Variants in CADPS2 observed in about 807,000 individuals in gnomAD.
CADPS2 encodes the protein calcium dependent secretion activator 2, also known as calcium-dependent secretion activator 2.
Under a neutral mutation model 172.5 loss-of-function variants are expected in CADPS2, and 93 were observed. The observed-to-expected ratio is 0.54, with a 90% confidence interval of 0.46 to 0.64. The LOEUF is 0.64. Ranked by LOEUF, CADPS2 falls within the 30% of genes least tolerant of loss-of-function variation. The pLI, the probability that CADPS2 is intolerant of heterozygous loss-of-function variation, is 0.00. For missense variants in CADPS2, 1,420 were observed against 1,565.9 expected, an observed-to-expected ratio of 0.91 and a Z score of 1.57; for synonymous variants, 546 against 555.2, an observed-to-expected ratio of 0.98 and a Z score of 0.23.
intron 17 of CADPS2, chr7:122,425,988 A>AT (rs1162286244): frequency 6.6e-6 from 1 of 152,206 alleles, no homozygotes; most frequent in Admixed American, 6.5e-5. Context: ...AACAATGGGG[A>AT]TACAGGCAAG....
intron 7 of CADPS2, among the ~76,000 whole-genome samples, chr7:122,569,546 G>T (rs1411985343): frequency 4.5e-5 from 6 of 133,316 alleles, no homozygotes; most frequent in East Asian, 2.3e-4. Flanking sequence ...AAGTTCATAT[G>T]GAACCAAAAA....
At chr7:122,694,283 TGAA>T (rs534253936) in intron 2 of CADPS2, among the ~76,000 whole-genome samples, 4 of 152,084 alleles carry the variant, frequency 2.6e-5, no homozygotes, top group Non-Finnish European at 5.9e-5. Context: ...AGAATAAGTC[TGAA>T]GAAGTAGTGG....
At chr7:122,625,545 G>A (rs1375711153) in intron 4 of CADPS2, among the ~76,000 whole-genome samples, 2 of 152,122 alleles carry the variant, frequency 1.3e-5, no homozygotes, top group African/African-American at 4.8e-5. Context: ...GACCAAAGGC[G>A]AAGGTTTCCT....
At chr7:122,575,202 T>C (rs932859347) in intron 7 of CADPS2, among the ~76,000 whole-genome samples, 15 of 151,456 alleles carry the variant, frequency 9.9e-5, no homozygotes, top group Non-Finnish European at 2.9e-5. Flanking sequence ...GGTGGGAGCA[T>C]CTAAAATAAA....
At chr7:122,816,350 G>C (rs68012966) in intron 1 of CADPS2, among the ~76,000 whole-genome samples, 1 of 151,858 alleles carries the variant, frequency 6.6e-6, no homozygotes, top group Non-Finnish European at 1.5e-5. Context: ...GTGCCATCTG[G>C]GTTGTTGCAA....
chr7:122,337,380 C>T (rs575263379), intron 28 of CADPS2, among the ~76,000 whole-genome samples: 4 of 152,270 alleles, frequency 2.6e-5, no homozygotes, highest in African/African-American at 7.2e-5. Flanking sequence ...TTGTGTTCCA[C>T]GATCACATTT....
At chr7:122,671,834 G>A (rs2081896468) in intron 2 of CADPS2, among the ~76,000 whole-genome samples, 2 of 152,168 alleles carry the variant, frequency 1.3e-5, no homozygotes, top group Admixed American at 6.5e-5. Context: ...GAAGGCAGAG[G>A]TGTGAGCAAA....
In CADPS2 at chr7:122,791,090, C is replaced by G. The variant is rs115564296; in HGVS notation, c.340-54022G>C. Among the ~76,000 whole-genome samples the G allele has an allele frequency of 5.9e-3, 901 of 152,222 alleles. 8 individuals carry two copies. The highest frequency in any genetic ancestry group is 0.021 in the African/African-American group (864 of 41,530). On this transcript the variant is annotated intron_variant, in intron 1 of 29. Transcript: ENST00000449022. ...TCTTAAACGTTGTGGGCCATGCTGACTACCAGAACAAAATAAAGTTGTATA... is the reference window on the plus strand; with the variant it reads ...TCTTAAACGTTGTGGGCCATGCTGAGTACCAGAACAAAATAAAGTTGTATA...
At position 122,404,998 on chromosome 7, in the gene CADPS2, G is replaced by A. The variant is rs184512433; in HGVS notation, c.2746+2542C>T. On this transcript the variant is annotated intron_variant, in intron 20 of 29. Transcript: ENST00000449022. ...AAAAATTAGCCAGGTGTGTGGTGGC[G>A]GGCGCCTGTGGAGGCAGAGCTTGCA... 2.1e-3 allele frequency among the ~76,000 whole-genome samples: 321 copies of A among 151,840 alleles called. 6 individuals carry two copies. The highest frequency in any genetic ancestry group is 0.016 in the Admixed American group (238 of 15,226).
At chr7:122,702,034 A>G in intron 2 of CADPS2, 1 of 1,613,656 alleles carries the variant, frequency 6.2e-7, no homozygotes, top group Non-Finnish European at 8.5e-7. Context: ...CTCGCAGTTG[A>G]AGCTGGTCAA....
chr7:122,787,944 C>T (rs1794422249), intron 1 of CADPS2, among the ~76,000 whole-genome samples: 1 of 152,068 alleles, frequency 6.6e-6, no homozygotes, highest in East Asian at 1.9e-4. Context: ...TTTACATGGT[C>T]CAACTAGAGA....
intron 27 of CADPS2, among the ~76,000 whole-genome samples, chr7:122,350,211 A>G (rs1404190054): frequency 2.6e-5 from 4 of 152,218 alleles, no homozygotes; most frequent in Non-Finnish European, 5.9e-5. Context: ...CATGTAAGAT[A>G]TAAGACAATA....
At chr7:122,652,649 A>C (rs2079289042) in intron 3 of CADPS2, among the ~76,000 whole-genome samples, 1 of 152,096 alleles carries the variant, frequency 6.6e-6, no homozygotes, top group African/African-American at 2.4e-5. Context: ...CTGTTATGCC[A>C]CTCATTTTAG....
At chr7:122,512,827 A>G (rs780635127) in intron 9 of CADPS2, among the ~76,000 whole-genome samples, 19 of 152,230 alleles carry the variant, frequency 1.2e-4, no homozygotes, top group Middle Eastern at 3.4e-3. Flanking sequence ...ATATCTTTTC[A>G]GAGGGTCTAC....
intron 8 of CADPS2, among the ~76,000 whole-genome samples, chr7:122,531,268 A>G (rs528997567): frequency 6.6e-6 from 1 of 152,342 alleles, no homozygotes; most frequent in South Asian, 2.1e-4. Context: ...TGGAAGAGAA[A>G]GAAGAAGAGG....
intron 1 of CADPS2, among the ~76,000 whole-genome samples, chr7:122,824,134 T>C (rs139042832): frequency 3.8e-4 from 58 of 152,304 alleles, no homozygotes; most frequent in African/African-American, 1.4e-3. Flanking sequence ...GAAATAAAGT[T>C]GAAAAAAATA....
At chr7:122,388,157 C>T (rs1289607790) in intron 23 of CADPS2, among the ~76,000 whole-genome samples, 3 of 151,942 alleles carry the variant, frequency 2.0e-5, no homozygotes, top group Admixed American at 2.0e-4. Context: ...AGTTAGTAAT[C>T]CCAGAACAAC....
At position 122,886,006 on chromosome 7, in the gene CADPS2, T is replaced by G. The variant is rs1251413614; in HGVS notation, c.332A>C (p.Gln111Pro). ...CCCGGTCCCGCAACTCACCTTCTGC[T>G]GCCTCCGGGCCATGTCGGTGGGCTG... ...AKQPTDMARR[Q>P]QKLNKQQLQL... The change falls in exon 1 of 30, where the codon CAG becomes CCG. Residue 111 changes from glutamine (Q) to proline (P), a missense_variant. Transcript: ENST00000449022. 8 of 1,606,100 alleles carry G rather than the reference T, an allele frequency of 5.0e-6. No homozygotes were observed. The highest frequency in any genetic ancestry group is 6.8e-6 in the Non-Finnish European group (8 of 1,176,848).
At chr7:122,621,407 T>A in intron 5 of CADPS2, 74 bp downstream of exon 5, 1 of 973,284 alleles carries the variant, frequency 1.0e-6, no homozygotes, top group South Asian at 1.5e-5. Flanking sequence ...TAAAAGTTAC[T>A]GCAAAGGTCA....
Sources: allele counts gnomAD v4.1 joint callset (sites outside exome capture counted in the v4.1 genomes callset), GRCh38; gene constraint gnomAD v4.1.1; transcripts MANE v1.5; gene names NCBI Gene and HGNC (gene_info 2026-07-23, HGNC 2026-07-21).